Variants in COL23A1 observed in about 807,000 individuals in gnomAD.
The protein encoded by COL23A1 is collagen type XXIII alpha 1 chain, also known as collagen alpha-1(XXIII) chain.
Under a neutral mutation model 99.3 loss-of-function variants are expected in COL23A1, and 97 were observed. The ratio of observed to expected loss-of-function variants is 0.98; its 90% CI spans 0.83 to 1.16. The LOEUF (loss-of-function observed/expected upper bound fraction) is 1.16, where lower values mean the gene tolerates loss of function less well. COL23A1 is among the 50% of genes most tolerant of loss of function. The pLI is 0.00. For synonymous variants in COL23A1, 320 were observed against 308.2 expected (o/e 1.04, Z -0.40); for missense variants, 762 against 757.4 (o/e 1.01, Z -0.07).
rs1389724805 is a variant in COL23A1 at position 178,439,871 on chromosome 5, T to G, written c.361+120811A>C. On this transcript the variant is annotated intron_variant, in intron 2 of 28. Transcript: ENST00000390654. The surrounding 1 kb of genome is among the most constrained non-coding windows in gnomAD (Gnocchi z 4.2). The stretch of plus-strand genomic sequence containing the variant: ...TGGAATACCACTACATGCTACAACA[T>G]GGATGAGCCCCAGAAATGCGACGCT... The G allele has an allele frequency of 3.3e-5, 5 of 152,062 alleles. No individual in the cohort carries two copies. Among genetic ancestry groups the G allele is most frequent in the Non-Finnish European group, 5.9e-5 (4 of 68,026 alleles). 9.4% of individuals were successfully genotyped at this position (152,062 alleles called of 1,614,324 possible). A position where few individuals can be genotyped will look rare whatever the true frequency, so the allele number is the denominator to read the frequency against.
chr5:178,260,509 T>C (rs931794022), intron 11 of COL23A1, among the ~76,000 whole-genome samples: 16 of 152,154 alleles, frequency 1.1e-4, no homozygotes, highest in Admixed American at 4.6e-4. Context: ...AAGAGATCAG[T>C]GGTGGCCGGG....
At chr5:178,409,775 T>C (rs935517124) in intron 2 of COL23A1, among the ~76,000 whole-genome samples, 1 of 152,192 alleles carries the variant, frequency 6.6e-6, no homozygotes, top group South Asian at 2.1e-4. Context: ...TAGAATGGCA[T>C]AAAGATGGCA....
intron 2 of COL23A1, among the ~76,000 whole-genome samples, chr5:178,467,056 A>C (rs1176467042): frequency 6.6e-6 from 1 of 152,264 alleles, no homozygotes; most frequent in Non-Finnish European, 1.5e-5. Context: ...GGCAGCACAT[A>C]CAACTGCTGT....
At chr5:178,259,291 G>A (rs1314053346) in intron 12 of COL23A1, among the ~76,000 whole-genome samples, 1 of 152,092 alleles carries the variant, frequency 6.6e-6, no homozygotes, top group African/African-American at 2.4e-5. Flanking sequence ...AAGAGGCCGG[G>A]GAGGATAATG....
At chr5:178,588,229 G>C (rs1764098946) in intron 1 of COL23A1, among the ~76,000 whole-genome samples, 1 of 152,204 alleles carries the variant, frequency 6.6e-6, no homozygotes, top group Non-Finnish European at 1.5e-5. Flanking sequence ...GGAAGCCTGG[G>C]AGAGCAACTG....
rs115734725 is a variant in COL23A1, at chr5:178,461,758, C to T, written c.361+98924G>A. ...ATAAAATGAAGTCTTGGCAAGCACA[C>T]AACATGTTCTCCGTACATATTGAGG... On this transcript the variant is annotated intron_variant, in intron 2 of 28. Transcript: ENST00000390654. Among the ~76,000 whole-genome samples the T allele has an allele frequency of 4.7e-3, 711 of 152,304 alleles. 2 individuals carry two copies. Among genetic ancestry groups the T allele is most frequent in the African/African-American group, 0.015 (635 of 41,560 alleles).
intron 2 of COL23A1, among the ~76,000 whole-genome samples, chr5:178,355,489 T>C (rs1464977381): frequency 6.6e-6 from 1 of 152,084 alleles, no homozygotes; most frequent in Non-Finnish European, 1.5e-5. Context: ...CTCGCATTGC[T>C]ATAAAGAACT....
intron 2 of COL23A1, among the ~76,000 whole-genome samples, chr5:178,519,048 G>A (rs1319252477): frequency 6.6e-6 from 1 of 151,498 alleles, no homozygotes; most frequent in Non-Finnish European, 1.5e-5. Flanking sequence ...GCGCAGCCGC[G>A]CCAACCACCA....
At chr5:178,474,772 G>A (rs1756940247) in intron 2 of COL23A1, among the ~76,000 whole-genome samples, 1 of 152,210 alleles carries the variant, frequency 6.6e-6, no homozygotes, top group South Asian at 2.1e-4. Flanking sequence ...ATTCCAGCAG[G>A]GAACACAGAT....
At chr5:178,386,726 G>A (rs1399044409) in intron 2 of COL23A1, among the ~76,000 whole-genome samples, 3 of 152,104 alleles carry the variant, frequency 2.0e-5, no homozygotes, top group South Asian at 4.1e-4. Context: ...CCCCTGCCCC[G>A]TCAGGAGTCT....
At chr5:178,349,302 C>T (rs988150934) in intron 2 of COL23A1, among the ~76,000 whole-genome samples, 2 of 152,142 alleles carry the variant, frequency 1.3e-5, no homozygotes, top group Non-Finnish European at 2.9e-5. Context: ...TGACAGAGGT[C>T]GGGGTAGGAA....
At chr5:178,407,658 T>C (rs1764835506) in intron 2 of COL23A1, among the ~76,000 whole-genome samples, 1 of 152,054 alleles carries the variant, frequency 6.6e-6, no homozygotes, top group Non-Finnish European at 1.5e-5. Flanking sequence ...CAACTGGAAA[T>C]GTTAGAAGTG....
chr5:178,372,192 G>A (rs540911589), intron 2 of COL23A1, among the ~76,000 whole-genome samples: 1 of 152,368 alleles, frequency 6.6e-6, no homozygotes, highest in South Asian at 2.1e-4. Context: ...GACGCAGGGG[G>A]CTGGCAGACA....
chr5:178,362,884 T>A (rs1388076203), intron 2 of COL23A1, among the ~76,000 whole-genome samples: 8 of 132,864 alleles, frequency 6.0e-5, no homozygotes, highest in Non-Finnish European at 1.1e-4. Flanking sequence ...CTATGACACA[T>A]CCACCCCCAC....
At chr5:178,269,624 A>ATCCATCCG in intron 6 of COL23A1, among the ~76,000 whole-genome samples, 1 of 138,812 alleles carries the variant, frequency 7.2e-6, no homozygotes, top group Non-Finnish European at 1.5e-5. Flanking sequence ...CCATCCATCC[A>ATCCATCCG]TTCATCCACC....
chr5:178,431,834 C>A (rs1341161852), intron 2 of COL23A1, among the ~76,000 whole-genome samples: 1 of 152,238 alleles, frequency 6.6e-6, no homozygotes, highest in Non-Finnish European at 1.5e-5. Flanking sequence ...GAAACTAATA[C>A]AGCCACCTTC....
chr5:178,550,840 T>A (rs1761961658), intron 2 of COL23A1, among the ~76,000 whole-genome samples: 1 of 152,314 alleles, frequency 6.6e-6, no homozygotes, highest in Non-Finnish European at 1.5e-5. Flanking sequence ...AAGACAGCTC[T>A]GGTCTTGTCT....
chr5:178,587,810 G>C (rs1288111927), intron 1 of COL23A1, among the ~76,000 whole-genome samples: 1 of 152,202 alleles, frequency 6.6e-6, no homozygotes, highest in Non-Finnish European at 1.5e-5. Context: ...CGGCCAGGCT[G>C]TGTACATTTC....
chr5:178,584,688 C>T (rs1763832345), intron 1 of COL23A1, among the ~76,000 whole-genome samples: 1 of 152,090 alleles, frequency 6.6e-6, no homozygotes, highest in Non-Finnish European at 1.5e-5. Flanking sequence ...GATTTGGAGG[C>T]CACAGTCAGA....
Sources: gnomAD v4.1 joint callset for allele counts (sites outside exome capture counted in the v4.1 genomes callset) on GRCh38, gnomAD v4.1.1 for gene constraint, Gnocchi (gnomAD v3.1) non-coding constraint, MANE v1.5 for transcripts, NCBI Gene and HGNC (gene_info 2026-07-23, HGNC 2026-07-21) for gene names.